Variants in SPON1 observed in about 807,000 individuals in gnomAD.
The protein encoded by SPON1 is spondin 1, also known as spondin-1.
Under a neutral mutation model 111.7 loss-of-function variants are expected in SPON1, and 52 were observed. The ratio of observed to expected loss-of-function variants is 0.47; its 90% confidence interval spans 0.37 to 0.59. The LOEUF is 0.59. Ranked by LOEUF, SPON1 falls within the 20% of genes least tolerant of loss-of-function variation. The probability of loss-of-function intolerance (pLI) is 0.00; values close to 1 mark genes in which losing one functional copy is unlikely to be tolerated. For missense variants in SPON1, 957 were observed against 1,068.5 expected (o/e 0.90, Z 1.46); for synonymous variants, 410 against 395.8 (o/e 1.04, Z -0.43).
intron 6 of SPON1, among the ~76,000 whole-genome samples, chr11:14,215,457 C>T (rs1848616952): frequency 6.6e-6 from 1 of 152,138 alleles, no homozygotes. Flanking sequence ...GGACTGGCAA[C>T]TGAAGTGTCT....
At chr11:13,981,846 C>T (rs1260072984) in intron 1 of SPON1, among the ~76,000 whole-genome samples, 8 of 152,174 alleles carry the variant, frequency 5.3e-5, no homozygotes, top group African/African-American at 1.9e-4. Flanking sequence ...CACGGCCCTG[C>T]TCCTGGGACA....
chr11:14,222,697 T>G (rs1004219416), intron 6 of SPON1, among the ~76,000 whole-genome samples: 1 of 152,236 alleles, frequency 6.6e-6, no homozygotes, highest in Non-Finnish European at 1.5e-5. Flanking sequence ...AGCTTAAGGT[T>G]GCCCTCTCCT....
At chr11:14,072,662 T>C (rs1198766329) in intron 3 of SPON1, among the ~76,000 whole-genome samples, 1 of 152,124 alleles carries the variant, frequency 6.6e-6, no homozygotes. Flanking sequence ...TAAAGACCCT[T>C]GAATATTATA....
intron 5 of SPON1, among the ~76,000 whole-genome samples, chr11:14,080,340 T>G (rs1848952935): frequency 6.6e-6 from 1 of 152,082 alleles, no homozygotes; most frequent in African/African-American, 2.4e-5. Flanking sequence ...GCAGTTCTCC[T>G]GCCTCAGCCT....
chr11:14,247,318 G>A (rs1849002279), intron 7 of SPON1, among the ~76,000 whole-genome samples: 1 of 152,174 alleles, frequency 6.6e-6, no homozygotes, highest in Non-Finnish European at 1.5e-5. Flanking sequence ...GCTGAGGCAG[G>A]AGGATCACTT....
intron 6 of SPON1, among the ~76,000 whole-genome samples, chr11:14,169,450 C>A (rs1554932195): frequency 6.6e-6 from 1 of 151,842 alleles, no homozygotes; most frequent in East Asian, 1.9e-4. Context: ...CTGTAGGTTG[C>A]CTGTTCACTC....
chr11:14,029,433 G>A (rs1554915762), intron 2 of SPON1, among the ~76,000 whole-genome samples: 2 of 152,254 alleles, frequency 1.3e-5, no homozygotes, highest in Non-Finnish European at 2.9e-5. Flanking sequence ...AGCCAAAACC[G>A]GGCTCTTGTC....
chr11:13,983,153 C>T (rs1848157390), intron 2 of SPON1, among the ~76,000 whole-genome samples, 200 bp downstream of exon 2: 1 of 152,248 alleles, frequency 6.6e-6, no homozygotes, highest in Non-Finnish European at 1.5e-5. Flanking sequence ...TGGGGCAGGC[C>T]TTGTTTTGTC....
At chr11:14,160,843 T>TTA (rs1564919584) in intron 6 of SPON1, among the ~76,000 whole-genome samples, 1 of 49,144 alleles carries the variant, frequency 2.0e-5, no homozygotes, top group African/African-American at 7.9e-5. Context: ...ATTTATATAT[T>TTA]TATATATTTA....
chr11:13,977,896 C>T (rs1848114702), intron 1 of SPON1, among the ~76,000 whole-genome samples: 2 of 152,162 alleles, frequency 1.3e-5, no homozygotes, highest in South Asian at 4.1e-4. Context: ...CATGGTCATT[C>T]AGTTGTCCTA....
intron 14 of SPON1, among the ~76,000 whole-genome samples, chr11:14,262,154 T>C (rs1398865405): frequency 6.6e-6 from 1 of 152,186 alleles, no homozygotes; most frequent in Non-Finnish European, 1.5e-5. Flanking sequence ...GAATGTCCCA[T>C]TTCTGGCTCC....
At chr11:13,993,520 C>T (rs768657409) in intron 2 of SPON1, among the ~76,000 whole-genome samples, 74 of 152,320 alleles carry the variant, frequency 4.9e-4, no homozygotes, top group Non-Finnish European at 9.8e-4. Context: ...TTGTCTCCTT[C>T]AGGTCTCTGA....
chr11:14,003,337 A>G (rs1473862152), intron 2 of SPON1, among the ~76,000 whole-genome samples: 1 of 152,216 alleles, frequency 6.6e-6, no homozygotes, highest in Non-Finnish European at 1.5e-5. Context: ...GAAGTGCTGC[A>G]GTGATCCCTG....
At chr11:14,061,950 A>C (rs1306180224) in intron 3 of SPON1, among the ~76,000 whole-genome samples, 1 of 152,228 alleles carries the variant, frequency 6.6e-6, no homozygotes, top group Non-Finnish European at 1.5e-5. Context: ...TTAATCACAC[A>C]CAAGTTGACC....
chr11:14,185,651 A>C (rs905102685), intron 6 of SPON1, among the ~76,000 whole-genome samples: 2 of 152,270 alleles, frequency 1.3e-5, no homozygotes, highest in African/African-American at 4.8e-5. Flanking sequence ...GTTAATGATC[A>C]ATCCCTCCAA....
intron 6 of SPON1, among the ~76,000 whole-genome samples, chr11:14,154,155 T>C (rs1847815763): frequency 1.3e-5 from 2 of 152,198 alleles, no homozygotes; most frequent in South Asian, 4.1e-4. Context: ...TTCTGGGGTC[T>C]GGAGAATGGT....
chr11:14,256,660 T>C lies in SPON1; in HGVS notation c.1277T>C (p.Val426Ala), dbSNP rs1849112166. Residue 426 changes from valine to alanine, a missense_variant, in exon 10 of 16, where the codon GTA (valine) becomes GCA (alanine). Coordinates refer to ENST00000576479, the MANE Select transcript of SPON1 (RefSeq NM_006108.4). Reference protein sequence around the residue: ...NIVPDNVDDIVADLAPEEKDE... With the variant: ...NIVPDNVDDIAADLAPEEKDE... ...GTACCTGACAATGTCGATGATATTG[T>C]AGCTGACCTGGCTCCAGAAGAGAAA... 1 of 1,613,766 alleles carries C rather than the reference T, an allele frequency of 6.2e-7. No homozygotes were observed. The highest frequency in any genetic ancestry group is 8.5e-7 in the Non-Finnish European group (1 of 1,179,838).
At chr11:14,057,700 A>G (rs1483712898) in intron 3 of SPON1, among the ~76,000 whole-genome samples, 3 of 152,060 alleles carry the variant, frequency 2.0e-5, no homozygotes, top group Non-Finnish European at 2.9e-5. Flanking sequence ...GTTTCAAATT[A>G]AAAAGATTCA....
At chr11:14,225,607 T>TA (rs1218792979) in intron 6 of SPON1, among the ~76,000 whole-genome samples, 2 of 152,240 alleles carry the variant, frequency 1.3e-5, no homozygotes, top group African/African-American at 4.8e-5. Flanking sequence ...TTTTTATTGT[T>TA]ACAGCTTCAG....
Sources: gnomAD v4.1 joint callset for allele counts (sites outside exome capture counted in the v4.1 genomes callset) on GRCh38, gnomAD v4.1.1 for gene constraint, MANE v1.5 for transcripts, NCBI Gene and HGNC (gene_info 2026-07-23, HGNC 2026-07-21) for gene names.